PRKRIP1: variants seen among roughly 807,000 people sequenced by gnomAD.
The protein encoded by PRKRIP1 is PRKR-interacting protein 1.
A neutral mutation model predicts 29.3 loss-of-function variants in PRKRIP1; 29 were observed. That is an observed-to-expected ratio of 0.99 (90% CI 0.74 to 1.35). PRKRIP1 has a LOEUF of 1.35. PRKRIP1 is among the 40% of genes most tolerant of loss of function. PRKRIP1 has a pLI of 0.00. For synonymous variants in PRKRIP1, 90 were observed against 85.1 expected (o/e 1.06, Z -0.32); for missense variants, 247 against 236.8 (o/e 1.04, Z -0.28).
chr7:102,402,802 G>A (rs1424423843), intron 3 of PRKRIP1, among the ~76,000 whole-genome samples: 12 of 152,216 alleles, frequency 7.9e-5, no homozygotes, highest in African/African-American at 2.4e-5. Flanking sequence ...GCCAGGTGCG[G>A]CAGCCAGCGG....
intron 5 of PRKRIP1, among the ~76,000 whole-genome samples, chr7:102,421,973 T>A (rs1416514899): frequency 5.9e-5 from 9 of 152,062 alleles, no homozygotes; most frequent in African/African-American, 2.2e-4. Context: ...TCATATTTAT[T>A]ACCGTTAAGC....
At chr7:102,412,670 G>A (rs2133189466) in intron 5 of PRKRIP1, among the ~76,000 whole-genome samples, 1 of 152,316 alleles carries the variant, frequency 6.6e-6, no homozygotes, top group Non-Finnish European at 1.5e-5. Flanking sequence ...GGAGTAATGT[G>A]GTAATACCGA....
intron 5 of PRKRIP1, among the ~76,000 whole-genome samples, chr7:102,411,807 T>G (rs1348485060): frequency 1.5e-4 from 1 of 6,888 alleles, no homozygotes; most frequent in African/African-American, 3.0e-4. Flanking sequence ...TTATTTTCTG[T>G]TTTTTTTTTT....
chr7:102,400,766 G>C (rs1554571091), intron 3 of PRKRIP1, among the ~76,000 whole-genome samples: 1 of 152,116 alleles, frequency 6.6e-6, no homozygotes, highest in African/African-American at 2.4e-5. Flanking sequence ...TTCCTGAGTA[G>C]CTGGGACTAT....
In PRKRIP1 at chr7:102,404,645, T is replaced by C. The variant is rs199791792; in HGVS notation, c.354T>C (p.Ile118=). The change falls in exon 4 of 6, where the codon ATT becomes ATC. Residue 118 remains isoleucine, a synonymous_variant. Transcript: ENST00000397912. ...AGAAAAGACTGGAAAAGAATAAAAT[T>C]GCTGCAGAGGAGCAGACCGCAAAGC... is the stretch of plus-strand genomic sequence containing the variant. ...EFQKRLEKNK[I]AAEEQTAKRR... The C allele has an allele frequency of 6.2e-7, 1 of 1,613,810 alleles. No individual in the cohort carries two copies. Among genetic ancestry groups the C allele is most frequent in the Admixed American group, 1.7e-5 (1 of 59,980 alleles).
chr7:102,417,164 A>AT (rs1796576284), intron 5 of PRKRIP1, among the ~76,000 whole-genome samples: 1 of 149,616 alleles, frequency 6.7e-6, no homozygotes, highest in South Asian at 2.1e-4. Context: ...TAATTTTGGT[A>AT]TTTTTTCTGG....
chr7:102,412,913 G>A (rs1476837676), intron 5 of PRKRIP1, among the ~76,000 whole-genome samples: 1 of 152,212 alleles, frequency 6.6e-6, no homozygotes, highest in Middle Eastern at 3.2e-3. Context: ...ATGACATTAA[G>A]CCAATGTGGA....
intron 5 of PRKRIP1, among the ~76,000 whole-genome samples, chr7:102,417,513 T>A (rs1796586955): frequency 6.6e-6 from 1 of 152,180 alleles, no homozygotes; most frequent in Non-Finnish European, 1.5e-5. Flanking sequence ...GATAGTCCAT[T>A]ATTACTGTAT....
At chr7:102,416,525 G>T (rs376435829) in intron 5 of PRKRIP1, among the ~76,000 whole-genome samples, 1 of 152,162 alleles carries the variant, frequency 6.6e-6, no homozygotes, top group African/African-American at 2.4e-5. Context: ...TGTGGGTCCA[G>T]TACTCTATAA....
intron 5 of PRKRIP1, 144 bp from the exon 6 acceptor site, chr7:102,424,870 G>T: frequency 1.4e-6 from 1 of 739,786 alleles, no homozygotes; most frequent in Admixed American, 3.0e-5. Context: ...TCAGAGGACT[G>T]GTGGACGTGA....
At chr7:102,407,743 A>G (rs184284268) in intron 5 of PRKRIP1, among the ~76,000 whole-genome samples, 286 of 152,002 alleles carry the variant, frequency 1.9e-3, no homozygotes, top group African/African-American at 6.3e-3. Flanking sequence ...ATGGCTGGTC[A>G]GGGAGATCAG....
chr7:102,407,637 C>G, intron 5 of PRKRIP1, 139 bp downstream of exon 5: 1 of 651,124 alleles, frequency 1.5e-6, no homozygotes, highest in Non-Finnish European at 2.7e-6. Flanking sequence ...TTCATATTAG[C>G]TAGGACCCAT....
Position 102,420,896 on chromosome 7 carries a change from C to T in PRKRIP1, c.458-4118C>T, listed in dbSNP as rs535424300. Among the ~76,000 whole-genome samples, 4 of 152,286 alleles carry T rather than the reference C, an allele frequency of 2.6e-5. No homozygotes were observed. In the East Asian group the frequency reaches 7.7e-4, roughly 29 times the overall value. On this transcript the variant is annotated intron_variant, in intron 5 of 5. Coordinates refer to ENST00000397912, the MANE Select transcript of PRKRIP1 (RefSeq NM_024653.4). ...GACAGAAGACCCTCCCAGCCTCCTT[C>T]AGCTGCAATACAACCTTTCCACATA...
intron 3 of PRKRIP1, among the ~76,000 whole-genome samples, chr7:102,400,021 G>GAA: frequency 6.8e-6 from 1 of 147,840 alleles, no homozygotes; most frequent in African/African-American, 2.5e-5. Flanking sequence ...AAAAAAGAGA[G>GAA]AAAAGAAAAG....
chr7:102,397,576 T>C, intron 1 of PRKRIP1, 44 bp from the exon 2 acceptor site: 1 of 1,501,144 alleles, frequency 6.7e-7, no homozygotes. Flanking sequence ...TATAATTTTG[T>C]CAACAGGTTT....
At chr7:102,412,089 G>C (rs575442509) in intron 5 of PRKRIP1, among the ~76,000 whole-genome samples, 99 of 151,452 alleles carry the variant, frequency 6.5e-4, no homozygotes, top group African/African-American at 2.3e-3. Flanking sequence ...CACCATGTTG[G>C]CCAGACTAGT....
At chr7:102,406,415 T>C (rs1554571833) in intron 4 of PRKRIP1, among the ~76,000 whole-genome samples, 2 of 152,202 alleles carry the variant, frequency 1.3e-5, no homozygotes. Flanking sequence ...TTCATTGTTG[T>C]TGCGTAGAGT....
intron 5 of PRKRIP1, among the ~76,000 whole-genome samples, chr7:102,421,594 C>T (rs1197513881): frequency 3.3e-5 from 5 of 152,068 alleles, no homozygotes; most frequent in African/African-American, 1.2e-4. Flanking sequence ...GTCAGGAGAT[C>T]AAGACCATCC....
Position 102,397,652 on chromosome 7 carries a change from T to C in PRKRIP1, c.159T>C (p.Ser53=). The change falls in exon 2 of 6, where the codon AGT becomes AGC. Residue 53 remains serine, a synonymous_variant. Transcript: ENST00000397912. ...DKAVPIPEKM[S]EWAPRPPPEF... ...CAGTTCCAATTCCAGAGAAAATGAG[T>C]GAATGGGCACCTCGACCTCCCCCAG... is the stretch of plus-strand genomic sequence containing the variant. 1.2e-6 allele frequency: 2 copies of C among 1,613,778 alleles called. No individual in the cohort carries two copies. The highest frequency in any genetic ancestry group is 4.5e-5 in the East Asian group (2 of 44,858).
Sources: allele counts gnomAD v4.1 joint callset (sites outside exome capture counted in the v4.1 genomes callset), GRCh38; gene constraint gnomAD v4.1.1; transcripts MANE v1.5; gene names NCBI Gene and HGNC (gene_info 2026-07-23, HGNC 2026-07-21).